CUX1: variants seen among roughly 807,000 people sequenced by gnomAD.
CUX1 encodes the protein cut like homeobox 1.
Under a neutral mutation model 158.8 loss-of-function variants are expected in CUX1, and 31 were observed. The ratio of observed to expected loss-of-function variants is 0.20; its 90% CI spans 0.15 to 0.26. CUX1 has a LOEUF of 0.26. Ranked by LOEUF, CUX1 falls within the 10% of genes least tolerant of loss-of-function variation. The pLI is 1.00. For missense variants in CUX1, 1,589 were observed against 2,014.6 expected (o/e 0.79, Z 4.04); for synonymous variants, 879 against 862.1 (o/e 1.02, Z -0.34).
At chr7:101,944,567 A>G (rs1808144577) in intron 2 of CUX1, among the ~76,000 whole-genome samples, 1 of 152,200 alleles carries the variant, frequency 6.6e-6, no homozygotes, top group Non-Finnish European at 1.5e-5. Flanking sequence ...GGAAGTGGGG[A>G]TCTGCCTAAG....
At chr7:102,229,042 G>T (rs1403165751) in intron 21 of CUX1, among the ~76,000 whole-genome samples, 2 of 152,200 alleles carry the variant, frequency 1.3e-5, no homozygotes, top group Non-Finnish European at 2.9e-5. Flanking sequence ...CACCAGGCCC[G>T]ACTGGTAATA....
chr7:102,086,098 G>A (rs1408939242), intron 4 of CUX1, among the ~76,000 whole-genome samples: 1 of 152,132 alleles, frequency 6.6e-6, no homozygotes, highest in African/African-American at 2.4e-5. Flanking sequence ...TCTGTAGGAT[G>A]TGTAGTGATG....
Position 102,195,537 on chromosome 7 carries a change from C to A in CUX1, c.1156C>A (p.Leu386Met), listed in dbSNP as rs782684624. The A allele has an allele frequency of 1.2e-6, 2 of 1,612,868 alleles. No homozygotes were observed. Among genetic ancestry groups the A allele is most frequent in the Admixed American group, 1.7e-5 (1 of 59,992 alleles). ...GGCCAAGCCCCTGGAGGTGCTGTTG[C>A]TGGAGAAGAACCGCTCGCTGCAGTC... ...DAAKPLEVLL[L>M]EKNRSLQSEN... is the part of the protein sequence containing the mutation. Residue 386 changes from leucine to methionine, a missense_variant, in exon 14 of 24, where the codon CTG becomes ATG. Physicochemically the swap from Leu to Met is conservative, Grantham distance 15. This residue lies in a region of CUX1 where 515 missense variants were observed against 574.4 expected (regional missense o/e 0.90). Coordinates refer to ENST00000292535, the MANE Select transcript of CUX1 (RefSeq NM_181552.4).
rs1801637153 is a variant in CUX1, at chr7:102,252,629, C to CAAG, written c.*3587_*3588insAAG. 1 of 985,302 alleles carries CAAG rather than the reference C, an allele frequency of 1.0e-6. No individual in the cohort carries two copies. Among genetic ancestry groups the CAAG allele is most frequent in the South Asian group, 4.7e-5 (1 of 21,294 alleles). The allele number at this position is 985,302 out of a possible 1,614,324, so 61.0% of individuals were successfully genotyped here. ...CATTTAGCCTCTTGACCCGGAGTTC[C>CAAG]GGCCCAAGCTCCCTTGTGATAGCCG... is the stretch of plus-strand genomic sequence containing the variant. On this transcript the variant is annotated 3_prime_UTR_variant, in exon 24 of 24. Coordinates refer to ENST00000292535, the MANE Select transcript of CUX1 (RefSeq NM_181552.4).
chr7:102,219,787 C>CT (rs1554526270), intron 20 of CUX1, among the ~76,000 whole-genome samples: 1 of 152,186 alleles, frequency 6.6e-6, no homozygotes, highest in African/African-American at 2.4e-5. Flanking sequence ...GTTTCAAGCT[C>CT]TTGCTAATCA....
At chr7:101,927,132 A>T (rs1424339884) in intron 2 of CUX1, among the ~76,000 whole-genome samples, 5 of 139,180 alleles carry the variant, frequency 3.6e-5, no homozygotes, top group Non-Finnish European at 7.8e-5. Flanking sequence ...GACTTTTTGT[A>T]TCACCTGTCA....
intron 8 of CUX1, among the ~76,000 whole-genome samples, chr7:102,150,268 G>A (rs1457284499): frequency 2.6e-5 from 4 of 152,042 alleles, no homozygotes; most frequent in South Asian, 2.1e-4. Context: ...CGATTCTTCC[G>A]CCTCAGCCTC....
At chr7:102,146,951 A>T (rs563324158) in intron 8 of CUX1, among the ~76,000 whole-genome samples, 1 of 152,146 alleles carries the variant, frequency 6.6e-6, no homozygotes, top group Non-Finnish European at 1.5e-5. Context: ...TATAATGGTA[A>T]TCTACAGAGA....
chr7:102,007,807 C>T (rs1360717515), intron 2 of CUX1, among the ~76,000 whole-genome samples: 3 of 151,390 alleles, frequency 2.0e-5, no homozygotes, highest in Non-Finnish European at 2.9e-5. Context: ...TGCAGTGGTG[C>T]GATCTCGGCT....
At chr7:101,894,981 C>T (rs1198581254) in intron 1 of CUX1, among the ~76,000 whole-genome samples, 6 of 152,008 alleles carry the variant, frequency 3.9e-5, no homozygotes, top group African/African-American at 1.5e-4. Context: ...GAGTACTGGT[C>T]GGCTTCCTAG....
chr7:101,926,398 G>T (rs1805597190), intron 2 of CUX1, among the ~76,000 whole-genome samples: 1 of 152,262 alleles, frequency 6.6e-6, no homozygotes, highest in South Asian at 2.1e-4. Flanking sequence ...TCGGGCCCCA[G>T]TCAGGGAAGG....
chr7:102,205,269 A>G (rs1554520794), intron 20 of CUX1, 99 bp downstream of exon 20: 3 of 891,554 alleles, frequency 3.4e-6, no homozygotes, highest in Non-Finnish European at 5.6e-6. Flanking sequence ...GAGGGACCGC[A>G]CATTCTGGAT....
chr7:102,212,787 T>C (rs1487454175), intron 20 of CUX1, among the ~76,000 whole-genome samples: 2 of 152,108 alleles, frequency 1.3e-5, no homozygotes, highest in African/African-American at 4.8e-5. Flanking sequence ...GCCTTGCTTT[T>C]CTCACTTAGT....
At chr7:102,168,918 C>CTTTTTTTTTTTTTTTTTTT (rs1239519322) in intron 9 of CUX1, among the ~76,000 whole-genome samples, 7 of 84,136 alleles carry the variant, frequency 8.3e-5, no homozygotes, top group Non-Finnish European at 1.1e-4. Context: ...CTTTTATTTT[C>CTTTTTTTTTTTTTTTTTTT]TTTTCTTTTC....
intron 2 of CUX1, among the ~76,000 whole-genome samples, chr7:101,949,974 T>A (rs919940297): frequency 1.8e-4 from 27 of 151,994 alleles, no homozygotes; most frequent in Non-Finnish European, 3.1e-4. Flanking sequence ...ATGGGCTGAT[T>A]ATTGCTCATT....
At chr7:102,147,976 A>AT (rs1554502551) in intron 8 of CUX1, among the ~76,000 whole-genome samples, 9 of 152,190 alleles carry the variant, frequency 5.9e-5, no homozygotes, top group Non-Finnish European at 1.0e-4. Context: ...ACTCCGTCTC[A>AT]AAAATAAATA....
intron 2 of CUX1, among the ~76,000 whole-genome samples, chr7:101,958,397 TGAGAATATTTAG>T (rs2129170420): frequency 6.6e-6 from 1 of 150,698 alleles, no homozygotes; most frequent in South Asian, 2.1e-4. Flanking sequence ...CAGCAAGATG[TGAGAATATTTAG>T]GAGATGGAAC....
At chr7:101,951,416 T>G (rs1484508744) in intron 2 of CUX1, among the ~76,000 whole-genome samples, 1 of 152,142 alleles carries the variant, frequency 6.6e-6, no homozygotes, top group Non-Finnish European at 1.5e-5. Context: ...GCACTAGTTA[T>G]TAAAGGCTCT....
At chr7:102,054,686 G>T (rs1585440478) in intron 3 of CUX1, among the ~76,000 whole-genome samples, 1 of 152,092 alleles carries the variant, frequency 6.6e-6, no homozygotes. Context: ...AGCCAGCTGG[G>T]TCTAGGCACA....
Sources: gnomAD v4.1 joint callset for allele counts (sites outside exome capture counted in the v4.1 genomes callset) on GRCh38, gnomAD v4.1.1 for gene constraint, gnomAD v4.1.1 regional missense constraint, MANE v1.5 for transcripts, NCBI Gene and HGNC (gene_info 2026-07-23, HGNC 2026-07-21) for gene names.